NDUFAF2: variants seen among roughly 807,000 people sequenced by gnomAD.
The protein encoded by NDUFAF2 is NADH dehydrogenase [ubiquinone] 1 alpha subcomplex assembly factor 2.
A neutral mutation model predicts 22.8 loss-of-function variants in NDUFAF2; 13 were observed. The ratio of observed to expected loss-of-function variants is 0.57; its 90% CI spans 0.37 to 0.91. The LOEUF (loss-of-function observed/expected upper bound fraction) is 0.91. NDUFAF2 is among the 40% of genes least tolerant of loss of function. The pLI is 0.01. For synonymous variants in NDUFAF2, 53 were observed against 64.2 expected (o/e 0.83, Z 0.84); for missense variants, 162 against 195.2 (o/e 0.83, Z 1.01).
At chr5:61,012,071 A>G (rs2112598229) in intron 1 of NDUFAF2, among the ~76,000 whole-genome samples, 1 of 152,164 alleles carries the variant, frequency 6.6e-6, no homozygotes, top group Middle Eastern at 3.4e-3. Context: ...TTTCTTCCTT[A>G]TTCTCATTTT....
chr5:61,022,761 C>T (rs1357949942), intron 1 of NDUFAF2, among the ~76,000 whole-genome samples: 1 of 152,196 alleles, frequency 6.6e-6, no homozygotes. Context: ...TCTCCTGCCT[C>T]AGCCTCCCAA....
intron 1 of NDUFAF2, among the ~76,000 whole-genome samples, chr5:61,051,565 T>G (rs1457589462): frequency 6.6e-6 from 1 of 152,184 alleles, no homozygotes; most frequent in Non-Finnish European, 1.5e-5. Context: ...GCCTTCTTTC[T>G]TTTTCTCCCA....
chr5:61,127,576 T>G (rs1461568357), intron 3 of NDUFAF2, among the ~76,000 whole-genome samples: 1 of 152,062 alleles, frequency 6.6e-6, no homozygotes, highest in Non-Finnish European at 1.5e-5. Context: ...TCAACAAAAT[T>G]CAACAAATTT....
intron 3 of NDUFAF2, chr5:61,146,045 T>C (rs1415479130): frequency 6.6e-6 from 1 of 152,142 alleles, no homozygotes; most frequent in Non-Finnish European, 1.5e-5. Context: ...GAAGCTTTGG[T>C]GACTAGAGAC....
intron 1 of NDUFAF2, among the ~76,000 whole-genome samples, chr5:61,029,383 G>C (rs1452922566): frequency 1.3e-5 from 2 of 152,164 alleles, no homozygotes; most frequent in Non-Finnish European, 2.9e-5. Context: ...AAGCAGATGA[G>C]CAAGAGTTCA....
intron 3 of NDUFAF2, among the ~76,000 whole-genome samples, chr5:61,102,731 GTACATATA>G (rs1561565564): frequency 6.6e-6 from 1 of 152,018 alleles, no homozygotes; most frequent in Non-Finnish European, 1.5e-5. Context: ...AATAATCATA[GTACATATA>G]TCTGACAAAG....
chr5:61,067,259 T>C (rs766786206), intron 1 of NDUFAF2, among the ~76,000 whole-genome samples: 2 of 151,844 alleles, frequency 1.3e-5, no homozygotes, highest in South Asian at 2.1e-4. Flanking sequence ...GCTGCACCCA[T>C]TAACTCGTCA....
intron 3 of NDUFAF2, among the ~76,000 whole-genome samples, chr5:61,120,410 T>C (rs1752961644): frequency 6.6e-6 from 1 of 152,158 alleles, no homozygotes; most frequent in Non-Finnish European, 1.5e-5. Flanking sequence ...ACATTTATTT[T>C]AGGCAGGTCT....
At chr5:60,958,547 A>T (rs991858251) in intron 1 of NDUFAF2, among the ~76,000 whole-genome samples, 1 of 152,148 alleles carries the variant, frequency 6.6e-6, no homozygotes, top group Non-Finnish European at 1.5e-5. Context: ...AGGGATTATT[A>T]TCCTCATTTT....
chr5:61,058,183 A>G (rs1458128534), intron 1 of NDUFAF2, among the ~76,000 whole-genome samples: 4 of 152,126 alleles, frequency 2.6e-5, no homozygotes, highest in Admixed American at 2.0e-4. Flanking sequence ...TCGAATCTGA[A>G]AATAAGTTTG....
At chr5:61,111,921 T>A (rs1752847189) in intron 3 of NDUFAF2, among the ~76,000 whole-genome samples, 1 of 151,654 alleles carries the variant, frequency 6.6e-6, no homozygotes, top group Non-Finnish European at 1.5e-5. Flanking sequence ...CCCAGCCTAG[T>A]TTTTTTGTAT....
At chr5:61,037,152 T>G (rs1751810072) in intron 1 of NDUFAF2, among the ~76,000 whole-genome samples, 1 of 152,162 alleles carries the variant, frequency 6.6e-6, no homozygotes, top group Admixed American at 6.5e-5. Flanking sequence ...AAGATAAGTC[T>G]CTGGAAGATT....
At chr5:60,964,304 A>G (rs535198607) in intron 1 of NDUFAF2, among the ~76,000 whole-genome samples, 2 of 152,292 alleles carry the variant, frequency 1.3e-5, no homozygotes, top group Admixed American at 6.5e-5. Flanking sequence ...TAAGATGTAT[A>G]TATTTATGAT....
At chr5:61,114,016 G>A (rs1752876954) in intron 3 of NDUFAF2, among the ~76,000 whole-genome samples, 1 of 151,992 alleles carries the variant, frequency 6.6e-6, no homozygotes, top group Non-Finnish European at 1.5e-5. Flanking sequence ...TTATATTTGG[G>A]TTAAATCTGC....
chr5:61,131,839 T>G (rs971077220), intron 3 of NDUFAF2, among the ~76,000 whole-genome samples: 3 of 152,144 alleles, frequency 2.0e-5, no homozygotes, highest in Non-Finnish European at 4.4e-5. Context: ...ATTAGACTTT[T>G]TAACAGTGGA....
At chr5:60,984,219 A>C (rs1751034707) in intron 1 of NDUFAF2, among the ~76,000 whole-genome samples, 1 of 152,162 alleles carries the variant, frequency 6.6e-6, no homozygotes, top group Admixed American at 6.5e-5. Context: ...GGTGTATAAG[A>C]ATGCCTGTGA....
chr5:60,958,411 TC>T (rs1750645228), intron 1 of NDUFAF2, among the ~76,000 whole-genome samples: 5 of 152,180 alleles, frequency 3.3e-5, no homozygotes, highest in Admixed American at 3.3e-4. Flanking sequence ...CACATTTTTT[TC>T]ATTCATTTTG....
chr5:61,099,992 T>G (rs1200263373), intron 3 of NDUFAF2, among the ~76,000 whole-genome samples: 1 of 152,192 alleles, frequency 6.6e-6, no homozygotes, highest in Admixed American at 6.5e-5. Context: ...CCCATTAATG[T>G]TCATTCGGCC....
intron 2 of NDUFAF2, among the ~76,000 whole-genome samples, chr5:61,078,252 T>C (rs1423525300): frequency 7.5e-6 from 1 of 134,142 alleles, no homozygotes; most frequent in Non-Finnish European, 1.6e-5. Flanking sequence ...TTTTGTATTC[T>C]CAGGGCCTAG....
Sources: gnomAD v4.1 joint callset for allele counts (sites outside exome capture counted in the v4.1 genomes callset) on GRCh38, gnomAD v4.1.1 for gene constraint, MANE v1.5 for transcripts, NCBI Gene and HGNC (gene_info 2026-07-23, HGNC 2026-07-21) for gene names.